Variants in CPED1 observed in about 807,000 individuals in gnomAD.
CPED1 encodes the protein cadherin like and PC-esterase domain containing 1.
Under a neutral mutation model 128.2 loss-of-function variants are expected in CPED1, and 114 were observed. That is an observed-to-expected ratio of 0.89 (90% CI 0.76 to 1.04). CPED1 has a LOEUF of 1.04. CPED1 is among the 50% of genes least tolerant of loss of function. CPED1 has a pLI of 0.00. For missense variants in CPED1, 1,211 were observed against 1,207.1 expected (o/e 1.00, Z -0.05); for synonymous variants, 462 against 426.7 (o/e 1.08, Z -1.02).
At chr7:121,113,968 A>G (rs935902944) in intron 7 of CPED1, among the ~76,000 whole-genome samples, 1 of 152,054 alleles carries the variant, frequency 6.6e-6, no homozygotes, top group African/African-American at 2.4e-5. Context: ...AGCCAGGACT[A>G]TAGATGCGCA....
intron 18 of CPED1, among the ~76,000 whole-genome samples, chr7:121,260,653 A>G (rs1235491605): frequency 7.6e-6 from 1 of 131,056 alleles, no homozygotes; most frequent in Non-Finnish European, 1.7e-5. Context: ...TATTTCCCTT[A>G]TCTATAGCAA....
At chr7:121,067,130 A>G (rs1793849327) in intron 5 of CPED1, among the ~76,000 whole-genome samples, 1 of 151,124 alleles carries the variant, frequency 6.6e-6, no homozygotes, top group South Asian at 2.1e-4. Flanking sequence ...TTTTTTTTAT[A>G]TACTTTAAGT....
chr7:121,193,923 AG>A (rs1355399592), intron 16 of CPED1, among the ~76,000 whole-genome samples: 2 of 150,838 alleles, frequency 1.3e-5, no homozygotes, highest in African/African-American at 4.9e-5. Flanking sequence ...TAATGAAGTA[AG>A]AGTTAGAAAT....
chr7:121,028,058 C>T (rs543720113), intron 3 of CPED1, among the ~76,000 whole-genome samples: 154 of 152,246 alleles, frequency 1.0e-3, no homozygotes, highest in South Asian at 9.3e-3. Context: ...TGGCAAAGCT[C>T]TACCATGGTA....
chr7:121,176,586 G>T (rs755372419), intron 16 of CPED1, among the ~76,000 whole-genome samples: 1 of 151,992 alleles, frequency 6.6e-6, no homozygotes, highest in African/African-American at 2.4e-5. Flanking sequence ...ATGATTAAAG[G>T]AGTCAAATAT....
intron 5 of CPED1, among the ~76,000 whole-genome samples, chr7:121,097,434 G>A (rs1227934127): frequency 6.6e-6 from 1 of 152,072 alleles, no homozygotes; most frequent in Non-Finnish European, 1.5e-5. Flanking sequence ...TAGAGACATT[G>A]TATCTACCTC....
chr7:121,056,423 G>A lies in CPED1; in HGVS notation c.541-7815G>A, dbSNP rs544572607. Among the ~76,000 whole-genome samples the A allele has an allele frequency of 3.3e-5, 5 of 152,228 alleles. No individual in the cohort carries two copies. In the South Asian group the frequency reaches 1.0e-3, roughly 32 times the overall value. The stretch of plus-strand genomic sequence containing the variant: ...TGAATTGATTTGGCAGTTGGATGAG[G>A]CAATACCATTATTTTCTATTCATTT... On this transcript the variant is annotated intron_variant, in intron 4 of 22. Coordinates refer to ENST00000310396, the MANE Select transcript of CPED1 (RefSeq NM_024913.5).
At chr7:121,159,906 T>C (rs1239674143) in intron 16 of CPED1, among the ~76,000 whole-genome samples, 1 of 152,212 alleles carries the variant, frequency 6.6e-6, no homozygotes, top group African/African-American at 2.4e-5. Context: ...ATACATGCCC[T>C]ATTTTAAAAG....
chr7:121,096,523 A>G lies in CPED1; in HGVS notation c.617-1176A>G, dbSNP rs1355552570. 2.0e-5 allele frequency among the ~76,000 whole-genome samples: 3 copies of G among 152,164 alleles called. No homozygotes were observed. In the East Asian group the frequency reaches 5.8e-4, roughly 29 times the overall value. On this transcript the variant is annotated intron_variant, in intron 5 of 22. Coordinates refer to ENST00000310396, the MANE Select transcript of CPED1 (RefSeq NM_024913.5). Reference sequence around the variant, plus strand: ...GGAGGCAATCTGGTCATGTCTAACAAATTTGCAGTGCGTTTACCATTGACC... The same window carrying G: ...GGAGGCAATCTGGTCATGTCTAACAGATTTGCAGTGCGTTTACCATTGACC...
chr7:121,165,769 C>T (rs2116448731), intron 16 of CPED1, among the ~76,000 whole-genome samples: 1 of 152,186 alleles, frequency 6.6e-6, no homozygotes, highest in East Asian at 1.9e-4. Context: ...AAAATTTTTA[C>T]AATTCAGAGA....
At chr7:121,257,322 G>A (rs1403123103) in intron 18 of CPED1, among the ~76,000 whole-genome samples, 1 of 152,046 alleles carries the variant, frequency 6.6e-6, no homozygotes, top group East Asian at 1.9e-4. Context: ...TGCCCATGAA[G>A]CCAGCTTGGG....
chr7:121,173,414 C>T (rs1040422954), intron 16 of CPED1, among the ~76,000 whole-genome samples: 1 of 152,088 alleles, frequency 6.6e-6, no homozygotes, highest in African/African-American at 2.4e-5. Flanking sequence ...CCACCCTTCA[C>T]CTTCAAGTAG....
intron 21 of CPED1, among the ~76,000 whole-genome samples, chr7:121,267,598 T>A (rs1387118882): frequency 1.3e-5 from 2 of 151,650 alleles, no homozygotes; most frequent in Admixed American, 6.6e-5. Context: ...TGCTTTATTT[T>A]AAAAATAGTC....
chr7:121,072,428 T>C (rs1297639063), intron 5 of CPED1, among the ~76,000 whole-genome samples: 1 of 151,690 alleles, frequency 6.6e-6, no homozygotes, highest in Admixed American at 6.6e-5. Flanking sequence ...GCATTCATAG[T>C]ATAGAAGAAT....
At chr7:121,130,787 A>G (rs1200995538) in intron 12 of CPED1, among the ~76,000 whole-genome samples, 1 of 152,080 alleles carries the variant, frequency 6.6e-6, no homozygotes, top group Non-Finnish European at 1.5e-5. Flanking sequence ...TTCAGAAGGT[A>G]GAACTTTGGG....
At chr7:121,167,506 T>C (rs570877921) in intron 16 of CPED1, among the ~76,000 whole-genome samples, 1 of 152,220 alleles carries the variant, frequency 6.6e-6, no homozygotes, top group Non-Finnish European at 1.5e-5. Context: ...TGAGCAGTCA[T>C]GTTTAAGATC....
chr7:121,076,707 T>C (rs1346616368), intron 5 of CPED1: 2 of 152,186 alleles, frequency 1.3e-5, no homozygotes, highest in Non-Finnish European at 1.5e-5. Context: ...ATAGATTAGC[T>C]CTCTGGGAAG....
At chr7:121,143,779 T>G (rs1317792818) in intron 16 of CPED1, among the ~76,000 whole-genome samples, 1 of 151,952 alleles carries the variant, frequency 6.6e-6, no homozygotes, top group Non-Finnish European at 1.5e-5. Context: ...AAGCTAAATA[T>G]GTATAAATGA....
chr7:121,242,983 TG>T (rs1413724768), intron 17 of CPED1, among the ~76,000 whole-genome samples: 2 of 152,156 alleles, frequency 1.3e-5, no homozygotes, highest in African/African-American at 4.8e-5. Flanking sequence ...CCTGAAGTCA[TG>T]AATATAAAAT....
Sources: gnomAD v4.1 joint callset for allele counts (sites outside exome capture counted in the v4.1 genomes callset) on GRCh38, gnomAD v4.1.1 for gene constraint, MANE v1.5 for transcripts, NCBI Gene and HGNC (gene_info 2026-07-23, HGNC 2026-07-21) for gene names.